Variants in KCNE1 observed in about 807,000 individuals in gnomAD.
KCNE1 encodes potassium voltage-gated channel subfamily E regulatory subunit 1.
Under a neutral mutation model 2.9 loss-of-function variants are expected in KCNE1, and 1 was observed. That is an observed-to-expected ratio of 0.34 (90% CI 0.12 to 1.62). The LOEUF (loss-of-function observed/expected upper bound fraction) is 1.62, where lower values mean the gene tolerates loss of function less well. KCNE1 is among the 40% of genes most tolerant of loss of function. The pLI, the probability that KCNE1 is intolerant of heterozygous loss-of-function variation, is 0.36. For missense variants in KCNE1, 45 were observed against 150.5 expected, an observed-to-expected ratio of 0.30 and a Z score of 3.67; for synonymous variants, 23 against 65.4, an observed-to-expected ratio of 0.35 and a Z score of 3.13.
rs796940352 is a variant in KCNE1 at position 34,508,190 on chromosome 21, C to CT, written c.-162+2910dup. On this transcript the variant is annotated intron_variant, in intron 2 of 3. Coordinates refer to ENST00000399286, the MANE Select transcript of KCNE1 (RefSeq NM_000219.6). ...TATAGGTGCATGCCACCACTCCTAGCTTTTTTTTTTTTTTTTCTGTAGAGG... is the reference window on the plus strand; with the variant it reads ...TATAGGTGCATGCCACCACTCCTAGCTTTTTTTTTTTTTTTTTCTGTAGAGG... Among the ~76,000 whole-genome samples, 1,285 of 137,526 alleles carry CT rather than the reference C, an allele frequency of 9.3e-3. 7 individuals are homozygous for CT. The highest frequency in any genetic ancestry group is 0.024 in the African/African-American group (891 of 37,188). The allele number at this position is 137,526 out of a possible 152,430, so 90.2% of individuals were successfully genotyped here.
At position 34,511,184 on chromosome 21, in the gene KCNE1, G is replaced by A. The variant is rs1470968184; in HGVS notation, c.-245C>T. Reference sequence around the variant, plus strand: ...GGCTCCTTCTCTTCAGGTGGTCTTAGGAACTTCTCAGAACTTTTTGAGTTA... The same window carrying A: ...GGCTCCTTCTCTTCAGGTGGTCTTAAGAACTTCTCAGAACTTTTTGAGTTA... On this transcript the variant is annotated 5_prime_UTR_variant, in exon 2 of 4. Transcript: ENST00000399286. 2.0e-6 allele frequency: 2 copies of A among 985,558 alleles called. No individual in the cohort carries two copies. The highest frequency in any genetic ancestry group is 1.1e-4 in the East Asian group (1 of 8,828). The allele number at this position is 985,558 out of a possible 1,614,324, so 61.1% of individuals were successfully genotyped here.
In KCNE1 at chr21:34,511,097, C is replaced by T; in HGVS notation, c.-162+4G>A. 2 of 978,918 alleles carry T rather than the reference C, an allele frequency of 2.0e-6. No homozygotes were observed. Among genetic ancestry groups the T allele is most frequent in the Middle Eastern group, 5.3e-4 (1 of 1,896 alleles). 60.6% of individuals were successfully genotyped at this position (978,918 alleles called of 1,614,324 possible). A position where few individuals can be genotyped will look rare whatever the true frequency, so the allele number is the denominator to read the frequency against. ...AAAGGGTCTGTGCAACCCCCTTCTC[C>T]TACCAGTTCTCGTTTCTGAAGTCTC... On this transcript the variant is annotated splice_donor_region_variant and intron_variant, in intron 2 of 3. Transcript: ENST00000399286.
intron 2 of KCNE1, among the ~76,000 whole-genome samples, chr21:34,500,768 A>G (rs1051986680): frequency 1.9e-4 from 29 of 152,216 alleles, no homozygotes; most frequent in Non-Finnish European, 3.4e-4. Context: ...TACTAACAAT[A>G]TATCTTGGAT....
intron 1 of KCNE1, among the ~76,000 whole-genome samples, chr21:34,511,678 G>T (rs1198016324): frequency 6.6e-6 from 1 of 152,250 alleles, no homozygotes; most frequent in Non-Finnish European, 1.5e-5. Flanking sequence ...GCTTATAGGA[G>T]CCTGCATGTG....
chr21:34,497,236 G>C (rs1396105147), intron 2 of KCNE1, among the ~76,000 whole-genome samples: 3 of 152,030 alleles, frequency 2.0e-5, no homozygotes, highest in African/African-American at 7.2e-5. Flanking sequence ...TTCTGTTGTT[G>C]TTGTTGTTTG....
At position 34,501,396 on chromosome 21, in the gene KCNE1, G is replaced by A. The variant is rs41314831; in HGVS notation, c.-162+9705C>T. 2.6e-3 allele frequency among the ~76,000 whole-genome samples: 389 copies of A among 152,316 alleles called. 2 individuals carry two copies. Among genetic ancestry groups the A allele is most frequent in the African/African-American group, 8.9e-3 (371 of 41,576 alleles). ...GTAGAACTTGAGGTATACATTCATG[G>A]CTCCATTGAGAATGGAGATGGGGTT... On this transcript the variant is annotated intron_variant, in intron 2 of 3. Transcript: ENST00000399286.
chr21:34,503,637 A>C (rs558879322), intron 2 of KCNE1, among the ~76,000 whole-genome samples: 1 of 152,212 alleles, frequency 6.6e-6, no homozygotes, highest in Non-Finnish European at 1.5e-5. Context: ...CCCATTACTC[A>C]TTAGCATACA....
At chr21:34,495,672 T>C (rs943616391) in intron 2 of KCNE1, among the ~76,000 whole-genome samples, 5 of 151,058 alleles carry the variant, frequency 3.3e-5, no homozygotes, top group Non-Finnish European at 7.4e-5. Flanking sequence ...TGTAAAGGTA[T>C]TCATAGTAGC....
chr21:34,503,688 G>A (rs79096492), intron 2 of KCNE1, among the ~76,000 whole-genome samples: 2,748 of 152,226 alleles, frequency 0.018, 84 homozygotes, highest in African/African-American at 0.063. Context: ...TGTATATCAG[G>A]AAACATGGAT....
At chr21:34,503,612 T>C (rs933819836) in intron 2 of KCNE1, among the ~76,000 whole-genome samples, 1 of 152,182 alleles carries the variant, frequency 6.6e-6, no homozygotes, top group African/African-American at 2.4e-5. Context: ...TGAAGTTACC[T>C]AGAGGACTCA....
intron 2 of KCNE1, among the ~76,000 whole-genome samples, chr21:34,503,990 C>T (rs1983321388): frequency 6.6e-6 from 1 of 152,242 alleles, no homozygotes; most frequent in Non-Finnish European, 1.5e-5. Flanking sequence ...CACTAGTAAG[C>T]ACCATCCCCC....
rs1051161328 is a variant in KCNE1, at chr21:34,511,103, G to C, written c.-164C>G. The stretch of plus-strand genomic sequence containing the variant: ...TCTGTGCAACCCCCTTCTCCTACCA[G>C]TTCTCGTTTCTGAAGTCTCCTCAAG... On this transcript the variant is annotated splice_region_variant and 5_prime_UTR_variant, in exon 2 of 4. Coordinates refer to ENST00000399286, the MANE Select transcript of KCNE1 (RefSeq NM_000219.6). 5 of 982,884 alleles carry C rather than the reference G, an allele frequency of 5.1e-6. No individual in the cohort carries two copies. The highest frequency in any genetic ancestry group is 6.0e-6 in the Non-Finnish European group (5 of 827,574). The allele number at this position is 982,884 out of a possible 1,614,324, so 60.9% of individuals were successfully genotyped here. A position where few individuals can be genotyped will look rare whatever the true frequency, so the allele number is the denominator to read the frequency against.
At chr21:34,499,111 G>A (rs943327906) in intron 2 of KCNE1, among the ~76,000 whole-genome samples, 8 of 152,186 alleles carry the variant, frequency 5.3e-5, no homozygotes, top group Non-Finnish European at 1.2e-4. Context: ...TCAGGCCAAT[G>A]GGGCTATGTT....
chr21:34,504,740 C>G (rs1249521816), intron 2 of KCNE1, among the ~76,000 whole-genome samples: 1 of 152,190 alleles, frequency 6.6e-6, no homozygotes, highest in Admixed American at 6.5e-5. Context: ...AGTACTTATA[C>G]TTGATATACC....
intron 2 of KCNE1, among the ~76,000 whole-genome samples, chr21:34,507,503 G>C (rs2123529669): frequency 1.3e-5 from 2 of 152,326 alleles, no homozygotes; most frequent in Middle Eastern, 6.8e-3. Context: ...CTTTCTGAAA[G>C]AAGTAAAGCA....
At chr21:34,510,645 C>A (rs372325502) in intron 2 of KCNE1, 1 of 152,890 alleles carries the variant, frequency 6.5e-6, no homozygotes, top group African/African-American at 2.4e-5. Flanking sequence ...CTTCCTCCCC[C>A]ACTGCCTGCC....
chr21:34,500,106 T>A (rs1983075223), intron 2 of KCNE1, among the ~76,000 whole-genome samples: 1 of 152,216 alleles, frequency 6.6e-6, no homozygotes, highest in African/African-American at 2.4e-5. Context: ...AATTATTATT[T>A]AACTTTATTT....
Position 34,449,338 on chromosome 21 carries a change from G to A in KCNE1, c.297C>T (p.Val99=), listed in dbSNP as rs780553669. The change falls in exon 4 of 4, where the codon GTC becomes GTT. Residue 99 remains valine, a synonymous_variant. Coordinates refer to ENST00000399286, the MANE Select transcript of KCNE1 (RefSeq NM_000219.6). ...CATAGCACGACCTGTAGCTCTCCAGGACCCGGGCCTGGACATAGGCCTTGT... is the reference window on the plus strand; with the variant it reads ...CATAGCACGACCTGTAGCTCTCCAGAACCCGGGCCTGGACATAGGCCTTGT... ...EKDKAYVQAR[V]LESYRSCYVV... The A allele has an allele frequency of 1.9e-6, 3 of 1,578,288 alleles. No individual in the cohort carries two copies. The highest frequency in any genetic ancestry group is 2.2e-5 in the South Asian group (2 of 90,118).
chr21:34,510,403 C>G (rs745915305), intron 2 of KCNE1: 1 of 152,492 alleles, frequency 6.6e-6, no homozygotes, highest in East Asian at 1.9e-4. Context: ...TCCATTCTCC[C>G]CTCCTTCCTC....
Sources: gnomAD v4.1 joint callset for allele counts (sites outside exome capture counted in the v4.1 genomes callset) on GRCh38, gnomAD v4.1.1 for gene constraint, MANE v1.5 for transcripts, NCBI Gene and HGNC (gene_info 2026-07-23, HGNC 2026-07-21) for gene names.